PDE3B: variants seen among roughly 807,000 people sequenced by gnomAD.
The protein encoded by PDE3B is cGMP-inhibited 3',5'-cyclic phosphodiesterase 3B.
A neutral mutation model predicts 116.8 loss-of-function variants in PDE3B; 66 were observed. The ratio of observed to expected loss-of-function variants is 0.56; its 90% CI spans 0.46 to 0.69. PDE3B has a LOEUF of 0.69. Among genes scored for constraint, PDE3B ranks in the 30% least tolerant of loss-of-function variants. PDE3B has a pLI of 0.00. For synonymous variants in PDE3B, 595 were observed against 533.6 expected (o/e 1.12, Z -1.59); for missense variants, 1,384 against 1,368.1 (o/e 1.01, Z -0.18).
chr11:14,832,452 G>A (rs1004217796), intron 9 of PDE3B, among the ~76,000 whole-genome samples: 2 of 152,072 alleles, frequency 1.3e-5, no homozygotes, highest in Non-Finnish European at 2.9e-5. Context: ...AGTAAATTAG[G>A]AATAAAAAGC....
intron 1 of PDE3B, among the ~76,000 whole-genome samples, chr11:14,741,108 G>A (rs1470177030): frequency 6.6e-6 from 1 of 151,954 alleles, no homozygotes; most frequent in Non-Finnish European, 1.5e-5. Flanking sequence ...CTGTAGATGT[G>A]TATTAGGTCT....
In PDE3B at chr11:14,644,282, G is replaced by A. The variant is rs1433660760; in HGVS notation, c.207G>A (p.Pro69=). The change falls in exon 1 of 16, where the codon CCG becomes CCA. Residue 69 remains proline (P), a synonymous_variant. Transcript: ENST00000282096. ...CGCCGCCGGCCTCTCCCCAGCAGCCGCGGCGCTGCTCCCCCTTCTGCCGGG... is the reference window on the plus strand; with the variant it reads ...CGCCGCCGGCCTCTCCCCAGCAGCCACGGCGCTGCTCCCCCTTCTGCCGGG... ...LRPPPASPQQ[P]RRCSPFCRAR... The A allele has an allele frequency of 6.4e-7, 1 of 1,565,420 alleles. No individual in the cohort carries two copies. The highest frequency in any genetic ancestry group is 1.2e-5 in the South Asian group (1 of 86,784).
intron 1 of PDE3B, among the ~76,000 whole-genome samples, chr11:14,730,415 C>A (rs1856426448): frequency 6.6e-6 from 1 of 152,144 alleles, no homozygotes; most frequent in African/African-American, 2.4e-5. Context: ...GTACAGATAT[C>A]CACTACATTT....
At chr11:14,804,866 G>A (rs1262519974) in intron 5 of PDE3B, among the ~76,000 whole-genome samples, 1 of 152,140 alleles carries the variant, frequency 6.6e-6, no homozygotes, top group Non-Finnish European at 1.5e-5. Context: ...ACTGAGAAAT[G>A]CACTTGATTA....
At chr11:14,898,043 C>A in the PDE3B span, among the ~76,000 whole-genome samples, 1 of 152,152 alleles carries the variant, frequency 6.6e-6, no homozygotes, top group Non-Finnish European at 1.5e-5. Context: ...CATCATGGAA[C>A]CTGAACCCAT....
the PDE3B span, chr11:14,885,767 TA>T: frequency 1.2e-6 from 2 of 1,611,616 alleles, no homozygotes; most frequent in African/African-American, 1.3e-5. Flanking sequence ...TAGGTGCAAA[TA>T]AACATACCTC....
intron 5 of PDE3B, among the ~76,000 whole-genome samples, chr11:14,811,866 A>C (rs996283611): frequency 6.6e-6 from 1 of 152,226 alleles, no homozygotes; most frequent in East Asian, 1.9e-4. Flanking sequence ...CGTCCCTTGT[A>C]AGTTGGATTC....
At chr11:14,890,793 C>T in the PDE3B span, 28 of 857,898 alleles carry the variant, frequency 3.3e-5, no homozygotes, top group South Asian at 1.4e-3. Context: ...CGTGATCCGC[C>T]CGCCTCGGCC....
the PDE3B span, among the ~76,000 whole-genome samples, chr11:14,895,986 A>G: frequency 6.6e-6 from 1 of 151,976 alleles, no homozygotes; most frequent in East Asian, 1.9e-4. Flanking sequence ...GGGGAAAGGA[A>G]GTTTTACAGA....
At chr11:14,689,607 G>A (rs1854990145) in intron 1 of PDE3B, among the ~76,000 whole-genome samples, 1 of 151,846 alleles carries the variant, frequency 6.6e-6, no homozygotes. Context: ...TAAGGACACA[G>A]TGACTTTGGG....
chr11:14,735,451 T>G (rs1443590013), intron 1 of PDE3B, among the ~76,000 whole-genome samples: 2 of 152,132 alleles, frequency 1.3e-5, no homozygotes, highest in East Asian at 1.9e-4. Context: ...ATATCCTATA[T>G]AGAGAGAATA....
intron 1 of PDE3B, among the ~76,000 whole-genome samples, chr11:14,768,911 A>G (rs1253911467): frequency 4.6e-5 from 7 of 151,542 alleles, no homozygotes; most frequent in East Asian, 3.9e-4. Flanking sequence ...TTCATCTTCT[A>G]TTACTTATGG....
At chr11:14,780,255 G>C (rs143324895) in intron 2 of PDE3B, among the ~76,000 whole-genome samples, 2 of 152,058 alleles carry the variant, frequency 1.3e-5, no homozygotes, top group African/African-American at 4.8e-5. Flanking sequence ...AGACAGATCA[G>C]TGAGACAGAA....
chr11:14,864,335 G>C (rs1848005175), intron 14 of PDE3B, among the ~76,000 whole-genome samples: 1 of 152,142 alleles, frequency 6.6e-6, no homozygotes, highest in Non-Finnish European at 1.5e-5. Flanking sequence ...AGGAGACTCA[G>C]ACTCCCACAA....
intron 2 of PDE3B, chr11:14,773,936 C>T (rs1444371669): frequency 6.6e-6 from 1 of 152,086 alleles, no homozygotes; most frequent in African/African-American, 2.4e-5. Context: ...TGTTTGGCAC[C>T]CCCTGTCTTC....
chr11:14,696,395 C>A (rs371426771), intron 1 of PDE3B, among the ~76,000 whole-genome samples: 2 of 152,182 alleles, frequency 1.3e-5, no homozygotes, highest in East Asian at 3.9e-4. Flanking sequence ...CAAGTTGTAC[C>A]AGTGTATTCA....
At chr11:14,890,367 A>G in the PDE3B span, 1 of 502,080 alleles carries the variant, frequency 2.0e-6, no homozygotes, top group Non-Finnish European at 2.6e-6. Context: ...CATGAAAATC[A>G]TGGGAATAAA....
In PDE3B at chr11:14,644,947, C is replaced by A; in HGVS notation, c.872C>A (p.Pro291His). 6.2e-7 allele frequency: 1 copy of A among 1,614,042 alleles called. No homozygotes were observed. The highest frequency in any genetic ancestry group is 8.5e-7 in the Non-Finnish European group (1 of 1,180,016). ...AAEEKVPVIR[P>H]RRRSSCVSLG... ...GAAGAAAAAGTGCCTGTGATCCGAC[C>A]CCGGAGGAGGTCCAGCTGCGTGTCG... The change falls in exon 1 of 16, where the codon CCC becomes CAC. Residue 291 changes from proline to histidine, a missense_variant. This residue lies in a region of PDE3B where 956 missense variants were observed against 806.8 expected (regional missense o/e 1.18). Transcript: ENST00000282096.
intron 1 of PDE3B, among the ~76,000 whole-genome samples, chr11:14,664,741 C>T (rs1323781498): frequency 6.6e-6 from 1 of 152,122 alleles, no homozygotes; most frequent in Non-Finnish European, 1.5e-5. Flanking sequence ...TCTGAATAGA[C>T]CAATAACAGG....
Sources: allele counts gnomAD v4.1 joint callset (sites outside exome capture counted in the v4.1 genomes callset), GRCh38; gene constraint gnomAD v4.1.1; regional missense constraint gnomAD v4.1.1; transcripts MANE v1.5; gene names NCBI Gene and HGNC (gene_info 2026-07-23, HGNC 2026-07-21).